GLIS1: variants seen among roughly 807,000 people sequenced by gnomAD.
The protein encoded by GLIS1 is zinc finger protein GLIS1.
In GLIS1, 24 loss-of-function variants were observed where a neutral mutation model predicts 63.8. The ratio of observed to expected loss-of-function variants is 0.38; its 90% CI spans 0.27 to 0.53. The LOEUF (loss-of-function observed/expected upper bound fraction) is 0.53, where lower values mean the gene tolerates loss of function less well. Ranked by LOEUF, GLIS1 falls within the 20% of genes least tolerant of loss-of-function variation. The pLI is 0.85. For missense variants in GLIS1, 1,036 were observed against 1,074.1 expected (o/e 0.96, Z 0.50); for synonymous variants, 450 against 482.5 (o/e 0.93, Z 0.88).
intron 4 of GLIS1, 66 bp from the exon 5 acceptor site, chr1:53,530,018 A>AC: frequency 1.3e-6 from 2 of 1,493,180 alleles, no homozygotes; most frequent in South Asian, 1.2e-5. Context: ...ATGGAAACTA[A>AC]CCCCCCAGGC....
intron 2 of GLIS1, among the ~76,000 whole-genome samples, chr1:53,735,867 C>CT (rs1188535043): frequency 2.0e-5 from 3 of 152,126 alleles, no homozygotes; most frequent in African/African-American, 4.8e-5. Context: ...CACTTGGTGA[C>CT]TGCACTGTGA....
At chr1:53,681,089 T>A (rs1646270122) in intron 2 of GLIS1, among the ~76,000 whole-genome samples, 1 of 152,240 alleles carries the variant, frequency 6.6e-6, no homozygotes, top group Non-Finnish European at 1.5e-5. Flanking sequence ...CAGGCCCCTC[T>A]TCTCGGCCTT....
intron 2 of GLIS1, among the ~76,000 whole-genome samples, chr1:53,602,295 T>C (rs921472908): frequency 6.6e-6 from 1 of 152,172 alleles, no homozygotes; most frequent in Non-Finnish European, 1.5e-5. Context: ...GTCTTTGCCT[T>C]TTCCAAATCG....
intron 6 of GLIS1, among the ~76,000 whole-genome samples, chr1:53,523,187 A>T (rs959092909): frequency 2.0e-5 from 3 of 151,946 alleles, no homozygotes; most frequent in Admixed American, 6.5e-5. Flanking sequence ...GGGCTAAAGC[A>T]CATCCCCTCC....
rs1012252915 is a variant in GLIS1, at chr1:53,633,807, G to T, written c.260-33529C>A. Among the ~76,000 whole-genome samples the T allele has an allele frequency of 5.3e-5, 8 of 152,142 alleles. 1 individual carries two copies. Among genetic ancestry groups the T allele is most frequent in the Middle Eastern group, 6.8e-3 (2 of 294 alleles). On this transcript the variant is annotated intron_variant, in intron 2 of 10. Transcript: ENST00000628545. ...GTGAGAATCAAAAATGTCTCGGCGTGGGGGGGATAGGGGGAGAAATTGCCC... is the reference window on the plus strand; with the variant it reads ...GTGAGAATCAAAAATGTCTCGGCGTTGGGGGGATAGGGGGAGAAATTGCCC...
intron 7 of GLIS1, among the ~76,000 whole-genome samples, chr1:53,515,691 C>T (rs1644345468): frequency 6.6e-6 from 1 of 151,780 alleles, no homozygotes; most frequent in African/African-American, 2.4e-5. Context: ...TTACTGACCC[C>T]AGCACTCCCA....
intron 2 of GLIS1, among the ~76,000 whole-genome samples, chr1:53,614,811 T>C (rs1050275317): frequency 6.6e-6 from 1 of 150,990 alleles, no homozygotes; most frequent in Admixed American, 6.6e-5. Flanking sequence ...CGCACACACA[T>C]GCACACACAT....
Position 53,594,755 on chromosome 1 carries a change from C to T in GLIS1, c.673G>A (p.Gly225Ser), listed in dbSNP as rs143379552. 12,731 of 1,589,586 alleles carry T rather than the reference C, an allele frequency of 8.0e-3. 103 individuals carry two copies. The highest frequency in any genetic ancestry group is 8.5e-3 in the Non-Finnish European group (9,942 of 1,168,938). The change falls in exon 4 of 11, where the codon GGC becomes AGC. Residue 225 changes from glycine to serine, a missense_variant. By Grantham distance (56) the Gly-to-Ser change is moderately conservative (BLOSUM62 0). Coordinates refer to ENST00000628545, the MANE Select transcript of GLIS1 (RefSeq NM_001367484.1). ...LLGSEPSSGL[G>S]LQPETHLPEG... ...GGGAGGTGGGTCTCGGGCTGGAGGCCCAGGCCAGAGCTGGGTTCGCTGCCC... is the reference window on the plus strand; with the variant it reads ...GGGAGGTGGGTCTCGGGCTGGAGGCTCAGGCCAGAGCTGGGTTCGCTGCCC...
At chr1:53,594,059 G>T in intron 4 of GLIS1, 49 bp downstream of exon 4, 1 of 1,559,872 alleles carries the variant, frequency 6.4e-7, no homozygotes, top group Non-Finnish European at 8.7e-7. Flanking sequence ...GGTGAGTGCT[G>T]CTCTGCCAGA....
In GLIS1 at chr1:53,639,603, A is replaced by G. The variant is rs534821062; in HGVS notation, c.260-39325T>C. On this transcript the variant is annotated intron_variant, in intron 2 of 10. Coordinates refer to ENST00000628545, the MANE Select transcript of GLIS1 (RefSeq NM_001367484.1). This position sits in a 1 kb window ranked among gnomAD's most constrained non-coding sequence, Gnocchi z 4.6. ...CTAGAGCTGGATCCACCAGAGGGTGACGATAATATTTTCTTTCCTGTCTTA... is the reference window on the plus strand; with the variant it reads ...CTAGAGCTGGATCCACCAGAGGGTGGCGATAATATTTTCTTTCCTGTCTTA... 5.1e-4 allele frequency among the ~76,000 whole-genome samples: 78 copies of G among 152,116 alleles called. No homozygotes were observed. The highest frequency in any genetic ancestry group is 1.0e-3 in the Non-Finnish European group (68 of 68,016).
rs183475641 is a variant in GLIS1, at chr1:53,514,421, G to C, written c.1883+204C>G. On this transcript the variant is annotated intron_variant, in intron 8 of 10. Transcript: ENST00000628545. ...AAGTGAGGCATTCAGAAGCCAGTAC[G>C]GTCTACTCAGAGTTACTGCAGGCAC... is the stretch of plus-strand genomic sequence containing the variant. 4.4e-3 allele frequency among the ~76,000 whole-genome samples: 671 copies of C among 152,272 alleles called. 3 individuals carry two copies. The highest frequency in any genetic ancestry group is 7.1e-3 in the Non-Finnish European group (484 of 68,022).
rs762822751 is a variant in GLIS1 at position 53,560,868 on chromosome 1, C to T, written c.1321-30916G>A. Among the ~76,000 whole-genome samples the T allele has an allele frequency of 2.0e-5, 3 of 152,138 alleles. No homozygotes were observed. The highest frequency in any genetic ancestry group is 4.4e-5 in the Non-Finnish European group (3 of 68,018). On this transcript the variant is annotated intron_variant, in intron 4 of 10. Transcript: ENST00000628545. The surrounding 1 kb of genome is among the most constrained non-coding windows in gnomAD (Gnocchi z 4.4). ...GCAATACACCACACTTTTTCCTGCC[C>T]CATCCTGCCCTGCCACTGGTATCCC...
chr1:53,669,304 G>A (rs1260343032), intron 2 of GLIS1, among the ~76,000 whole-genome samples: 1 of 152,364 alleles, frequency 6.6e-6, no homozygotes, highest in South Asian at 2.1e-4. Context: ...CAGGAAGGGG[G>A]TGGAGTGTGA....
intron 2 of GLIS1, among the ~76,000 whole-genome samples, chr1:53,714,307 C>A (rs149796045): frequency 1.1e-4 from 16 of 152,320 alleles, no homozygotes; most frequent in African/African-American, 3.8e-4. Context: ...GAGAACAGCA[C>A]CTGATTATAG....
intron 2 of GLIS1, among the ~76,000 whole-genome samples, chr1:53,699,891 C>CTTT (rs1421197782): frequency 6.6e-6 from 1 of 152,182 alleles, no homozygotes; most frequent in Non-Finnish European, 1.5e-5. Context: ...TAATTACTTC[C>CTTT]CAAAGGCCCC....
intron 2 of GLIS1, among the ~76,000 whole-genome samples, chr1:53,702,517 G>T (rs1646534266): frequency 6.6e-6 from 1 of 152,182 alleles, no homozygotes; most frequent in Non-Finnish European, 1.5e-5. Context: ...GCAGGAACAG[G>T]AGAGAGAGAC....
chr1:53,654,393 C>T (rs1032888482), intron 2 of GLIS1, among the ~76,000 whole-genome samples: 2 of 152,162 alleles, frequency 1.3e-5, no homozygotes, highest in African/African-American at 4.8e-5. Context: ...CCGGAACAGC[C>T]CCAGCTCTGA....
chr1:53,701,420 T>A (rs1050102227), intron 2 of GLIS1, among the ~76,000 whole-genome samples: 2 of 152,152 alleles, frequency 1.3e-5, no homozygotes, highest in African/African-American at 4.8e-5. Context: ...ATTCAGAGCC[T>A]CCCAGAGCTC....
At chr1:53,733,394 T>C (rs1646883546) in intron 2 of GLIS1, among the ~76,000 whole-genome samples, 4 of 152,222 alleles carry the variant, frequency 2.6e-5, no homozygotes, top group Admixed American at 2.0e-4. Flanking sequence ...AGACTATCGA[T>C]GTGATTCCAC....
Sources: gnomAD v4.1 joint callset for allele counts (sites outside exome capture counted in the v4.1 genomes callset) on GRCh38, gnomAD v4.1.1 for gene constraint, Gnocchi (gnomAD v3.1) non-coding constraint, MANE v1.5 for transcripts, NCBI Gene and HGNC (gene_info 2026-07-23, HGNC 2026-07-21) for gene names.